Variants in MYO7A observed in about 807,000 individuals in gnomAD.
MYO7A encodes the protein myosin VIIA, also known as unconventional myosin-VIIa.
A neutral mutation model predicts 263.8 loss-of-function variants in MYO7A; 210 were observed. The ratio of observed to expected loss-of-function variants is 0.80; its 90% CI spans 0.71 to 0.89. The LOEUF is 0.89. MYO7A is among the 40% of genes least tolerant of loss of function. The pLI, the probability that MYO7A is intolerant of heterozygous loss-of-function variation, is 0.00. For missense variants in MYO7A, 2,820 were observed against 2,968.3 expected (o/e 0.95, Z 1.16); for synonymous variants, 1,239 against 1,197.3 (o/e 1.03, Z -0.72).
intron 28 of MYO7A, among the ~76,000 whole-genome samples, 188 bp downstream of exon 28, chr11:77,189,658 C>T (rs1955891598): frequency 6.6e-6 from 1 of 152,242 alleles, no homozygotes; most frequent in African/African-American, 2.4e-5. Flanking sequence ...ACACTCCCCT[C>T]AGCCCCATTC....
At chr11:77,136,956 CTT>C (rs1950925785) in intron 2 of MYO7A, among the ~76,000 whole-genome samples, 1 of 152,172 alleles carries the variant, frequency 6.6e-6, no homozygotes, top group South Asian at 2.1e-4. Context: ...GAGGACATGT[CTT>C]GTTAACAGTG....
intron 2 of MYO7A, among the ~76,000 whole-genome samples, chr11:77,131,324 G>A (rs1042743609): frequency 2.0e-5 from 3 of 152,222 alleles, no homozygotes; most frequent in African/African-American, 2.4e-5. Flanking sequence ...GCAGCTTCTC[G>A]GTCTCCAGGG....
intron 2 of MYO7A, among the ~76,000 whole-genome samples, chr11:77,134,724 A>AT (rs200020941): frequency 0.013 from 1,717 of 133,312 alleles, 42 homozygotes; most frequent in African/African-American, 0.042. Flanking sequence ...ACTGTACTCT[A>AT]TTTTTTTTTC....
intron 30 of MYO7A, 40 bp downstream of exon 30, chr11:77,190,910 C>T (rs568578604): frequency 9.9e-6 from 15 of 1,510,444 alleles, no homozygotes; most frequent in South Asian, 8.8e-5. Flanking sequence ...GAAGCACCTC[C>T]TCCCGGCCCC....
chr11:77,150,149 T>A (rs1951863214), intron 4 of MYO7A, among the ~76,000 whole-genome samples: 1 of 152,150 alleles, frequency 6.6e-6, no homozygotes, highest in Admixed American at 6.5e-5. Flanking sequence ...AGGCCCACTC[T>A]CCTGTCAGGA....
In MYO7A at chr11:77,198,607, C is replaced by T. The variant is rs1416095273; in HGVS notation, c.4554C>T (p.Ala1518=). The change falls in exon 34 of 49, where the codon GCC becomes GCT. Residue 1518 remains alanine, a synonymous_variant. Coordinates refer to ENST00000409709, the MANE Select transcript of MYO7A (RefSeq NM_000260.4). ...AGCTGTCCTTCCCAGAGATCATGGC[C>T]GTGTCCAGCAGCAGGTGAGGAGGCC... The part of the protein sequence containing the change: ...LLELSFPEIM[A]VSSSRECRVW... 1.8e-5 allele frequency: 29 copies of T among 1,613,678 alleles called. No homozygotes were observed. The highest frequency in any genetic ancestry group is 8.3e-5 in the Admixed American group (5 of 59,986).
chr11:77,146,573 G>A (rs937375391), intron 3 of MYO7A, among the ~76,000 whole-genome samples: 61 of 152,278 alleles, frequency 4.0e-4, no homozygotes, highest in Admixed American at 2.6e-4. Flanking sequence ...GTGGTGGTGG[G>A]GGGAGCTGAT....
chr11:77,198,416 T>C, intron 33 of MYO7A, 79 bp from the exon 34 acceptor site: 5 of 1,563,358 alleles, frequency 3.2e-6, no homozygotes, highest in Non-Finnish European at 4.4e-6. Flanking sequence ...TATTGCCACC[T>C]GCCTGGCCGT....
intron 2 of MYO7A, among the ~76,000 whole-genome samples, chr11:77,133,841 CA>C (rs2135539465): frequency 6.6e-6 from 1 of 151,056 alleles, no homozygotes; most frequent in African/African-American, 2.4e-5. Context: ...GTTTAATTGA[CA>C]TTTTTTTCTA....
Position 77,184,721 on chromosome 11 carries a change from T to C in MYO7A, c.3503+6T>C, listed in dbSNP as rs1555087360. On this transcript the variant is annotated splice_donor_region_variant and intron_variant, in intron 27 of 48. Coordinates refer to ENST00000409709, the MANE Select transcript of MYO7A (RefSeq NM_000260.4). ...ATCCTGCGGCCAGCACTCCGGTCAG[T>C]GCCGGGAGGCGGGGACACCAGGGCC... 2 of 1,555,298 alleles carry C rather than the reference T, an allele frequency of 1.3e-6. No homozygotes were observed. Among genetic ancestry groups the C allele is most frequent in the East Asian group, 2.3e-5 (1 of 43,644 alleles).
chr11:77,175,539 A>G (rs1954573538), intron 18 of MYO7A, 75 bp downstream of exon 18: 1 of 1,338,784 alleles, frequency 7.5e-7, no homozygotes, highest in African/African-American at 1.4e-5. Context: ...GGTGCTCGGG[A>G]GAGGGAGGCA....
At chr11:77,166,417 C>T (rs989641973) in intron 15 of MYO7A, among the ~76,000 whole-genome samples, 5 of 152,284 alleles carry the variant, frequency 3.3e-5, no homozygotes, top group African/African-American at 9.6e-5. Context: ...AGAGCAGAAC[C>T]GGTCAGGGAT....
rs367807853 is a variant in MYO7A, at chr11:77,166,093, C to T, written c.1728C>T (p.Asp576=). The change falls in exon 15 of 49, where the codon GAC becomes GAT. Residue 576 remains aspartate, a synonymous_variant. Coordinates refer to ENST00000409709, the MANE Select transcript of MYO7A (RefSeq NM_000260.4). ...LEKNRDTLHG[D]IIQLVHSSRN... ...AGAACCGAGACACCCTGCATGGGGA[C>T]ATTATCCAGCTGGTCCACTCCTCCA... is the stretch of plus-strand genomic sequence containing the variant. 14 of 1,613,904 alleles carry T rather than the reference C, an allele frequency of 8.7e-6. No individual in the cohort carries two copies. Among genetic ancestry groups the T allele is most frequent in the Non-Finnish European group, 1.2e-5 (14 of 1,179,876 alleles).
chr11:77,207,848 C>G (rs1028977024), intron 42 of MYO7A, among the ~76,000 whole-genome samples: 2 of 152,236 alleles, frequency 1.3e-5, no homozygotes, highest in African/African-American at 4.8e-5. Flanking sequence ...CCAGGTGGGT[C>G]TGGCTCTAAA....
intron 4 of MYO7A, among the ~76,000 whole-genome samples, chr11:77,152,098 C>T (rs1244332113): frequency 2.6e-5 from 4 of 152,222 alleles, no homozygotes; most frequent in Non-Finnish European, 5.9e-5. Context: ...GTCCTGAGCC[C>T]AACAGGGCTT....
chr11:77,152,268 T>A (rs1019942464), intron 4 of MYO7A, among the ~76,000 whole-genome samples: 3 of 152,268 alleles, frequency 2.0e-5, no homozygotes, highest in Non-Finnish European at 4.4e-5. Context: ...CCCACGCTGT[T>A]CTGTGGTTTT....
At chr11:77,128,965 A>T (rs1263480718) in intron 1 of MYO7A, among the ~76,000 whole-genome samples, 2 of 152,256 alleles carry the variant, frequency 1.3e-5, no homozygotes, top group Admixed American at 6.5e-5. Flanking sequence ...AATCAGGTAT[A>T]GACATAGAAA....
chr11:77,152,299 G>A (rs1952040486), intron 4 of MYO7A, among the ~76,000 whole-genome samples: 1 of 152,182 alleles, frequency 6.6e-6, no homozygotes, highest in Non-Finnish European at 1.5e-5. Flanking sequence ...CATCCCGACC[G>A]CCTTTCCCGT....
At chr11:77,164,055 G>C (rs1953294840) in intron 14 of MYO7A, among the ~76,000 whole-genome samples, 1 of 152,144 alleles carries the variant, frequency 6.6e-6, no homozygotes, top group Non-Finnish European at 1.5e-5. Flanking sequence ...AACCAGCCCA[G>C]TTACCCCCTA....
Sources: gnomAD v4.1 joint callset for allele counts (sites outside exome capture counted in the v4.1 genomes callset) on GRCh38, gnomAD v4.1.1 for gene constraint, MANE v1.5 for transcripts, NCBI Gene and HGNC (gene_info 2026-07-23, HGNC 2026-07-21) for gene names.